FHIP1A: variants seen among roughly 807,000 people sequenced by gnomAD.
FHIP1A encodes FHF complex subunit HOOK-interacting protein 1A.
FHIP1A carries 61 observed loss-of-function variants against 88.6 expected under a neutral mutation model. That is an observed-to-expected ratio of 0.69 (90% CI 0.56 to 0.85). The LOEUF (loss-of-function observed/expected upper bound fraction) is 0.85. Ranked by LOEUF, FHIP1A falls within the 40% of genes least tolerant of loss-of-function variation. FHIP1A has a pLI of 0.00. For missense variants in FHIP1A, 1,154 were observed against 1,273.5 expected, an observed-to-expected ratio of 0.91 and a Z score of 1.43; for synonymous variants, 478 against 496.0, an observed-to-expected ratio of 0.96 and a Z score of 0.48.
chr4:151,629,764 C>A lies in FHIP1A; in HGVS notation c.1041C>A (p.Ser347=). Residue 347 remains serine (S), a synonymous_variant, in exon 8 of 14, where the codon TCC becomes TCA. Coordinates refer to ENST00000435205, the MANE Select transcript of FHIP1A (RefSeq NM_001109977.3). The stretch of plus-strand genomic sequence containing the variant: ...TGGACCTTTTCCTGCGTAGCATCTC[C>A]GAGCCAGCACTACTTGAGATCTTCC... ...AYLDLFLRSI[S]EPALLEIFLR... The A allele has an allele frequency of 6.4e-7, 1 of 1,551,404 alleles. No homozygotes were observed. Among genetic ancestry groups the A allele is most frequent in the South Asian group, 1.2e-5 (1 of 84,040 alleles).
Position 151,629,791 on chromosome 4 carries a change from C to G in FHIP1A, c.1068C>G (p.Leu356=), listed in dbSNP as rs1469820587. 1.3e-6 allele frequency: 2 copies of G among 1,551,502 alleles called. No individual in the cohort carries two copies. Among genetic ancestry groups the G allele is most frequent in the East Asian group, 4.9e-5 (2 of 40,924 alleles). The change falls in exon 8 of 14, where the codon CTC becomes CTG. Residue 356 remains leucine (L), a synonymous_variant. Coordinates refer to ENST00000435205, the MANE Select transcript of FHIP1A (RefSeq NM_001109977.3). ...ISEPALLEIF[L]RFILLHQHEN... is the part of the protein sequence containing the mutation. Reference sequence around the variant, plus strand: ...AGCCAGCACTACTTGAGATCTTCCTCCGTTTTATCCTATTGCACCAGCACG... The same window carrying G: ...AGCCAGCACTACTTGAGATCTTCCTGCGTTTTATCCTATTGCACCAGCACG...
intron 7 of FHIP1A, among the ~76,000 whole-genome samples, chr4:151,591,638 G>A (rs911066637): frequency 6.6e-6 from 1 of 152,220 alleles, no homozygotes; most frequent in Non-Finnish European, 1.5e-5. Flanking sequence ...GGTGTGTGAT[G>A]TTCCCCTTTC....
chr4:151,443,504 A>G (rs1728482839), intron 1 of FHIP1A, among the ~76,000 whole-genome samples: 1 of 152,040 alleles, frequency 6.6e-6, no homozygotes, highest in South Asian at 2.1e-4. Flanking sequence ...TTTCAGGGTC[A>G]GTTTTCCCCT....
intron 9 of FHIP1A, among the ~76,000 whole-genome samples, chr4:151,644,102 G>T (rs1736696574): frequency 6.6e-6 from 1 of 152,194 alleles, no homozygotes; most frequent in Admixed American, 6.5e-5. Flanking sequence ...TAAAAGCATT[G>T]AAGCAGTTTA....
At chr4:151,561,960 A>G (rs533169305) in intron 3 of FHIP1A, among the ~76,000 whole-genome samples, 2 of 152,336 alleles carry the variant, frequency 1.3e-5, no homozygotes, top group East Asian at 3.8e-4. Flanking sequence ...GATAAAGTAC[A>G]TAAAATAATG....
intron 5 of FHIP1A, among the ~76,000 whole-genome samples, chr4:151,580,193 A>G (rs577242009): frequency 6.6e-6 from 1 of 152,240 alleles, no homozygotes; most frequent in East Asian, 1.9e-4. Flanking sequence ...TTTCTTCCCC[A>G]TGACATTGAC....
intron 3 of FHIP1A, among the ~76,000 whole-genome samples, chr4:151,548,638 A>G (rs1732600408): frequency 6.6e-6 from 1 of 152,106 alleles, no homozygotes; most frequent in Admixed American, 6.6e-5. Context: ...CTTACCCTAT[A>G]TGGCCAGGCA....
At chr4:151,495,309 C>G (rs1730419874) in intron 3 of FHIP1A, among the ~76,000 whole-genome samples, 1 of 152,046 alleles carries the variant, frequency 6.6e-6, no homozygotes, top group Non-Finnish European at 1.5e-5. Flanking sequence ...TTGAGACCAG[C>G]CTGGCCAACA....
At chr4:151,436,653 C>T (rs2126550571) in intron 1 of FHIP1A, 1 of 152,284 alleles carries the variant, frequency 6.6e-6, no homozygotes, top group East Asian at 1.9e-4. Context: ...ATCTTTGTCT[C>T]AAATCACCCT....
intron 3 of FHIP1A, among the ~76,000 whole-genome samples, chr4:151,486,101 C>T (rs558969359): frequency 1.3e-5 from 2 of 152,234 alleles, no homozygotes; most frequent in South Asian, 2.1e-4. Flanking sequence ...ATAAGGTTTG[C>T]GCTTCTATGA....
intron 9 of FHIP1A, among the ~76,000 whole-genome samples, chr4:151,639,764 T>C (rs746265715): frequency 1.3e-5 from 2 of 152,126 alleles, no homozygotes; most frequent in African/African-American, 2.4e-5. Context: ...CATGCTCTTC[T>C]GGTGGTGTGG....
intron 3 of FHIP1A, among the ~76,000 whole-genome samples, chr4:151,519,110 AC>A (rs764552407): frequency 6.6e-5 from 10 of 152,196 alleles, no homozygotes; most frequent in Admixed American, 4.6e-4. Context: ...TGAAATGCGT[AC>A]ATCTTAATTA....
chr4:151,461,333 TC>T (rs1191441252), intron 2 of FHIP1A, among the ~76,000 whole-genome samples: 1 of 152,192 alleles, frequency 6.6e-6, no homozygotes, highest in Non-Finnish European at 1.5e-5. Context: ...GGGCCAGGTT[TC>T]CCAGCAAATG....
In FHIP1A at chr4:151,577,961, A is replaced by G; in HGVS notation, c.617A>G (p.His206Arg). 1.3e-6 allele frequency: 2 copies of G among 1,551,182 alleles called. No homozygotes were observed. Among genetic ancestry groups the G allele is most frequent in the East Asian group, 2.4e-5 (1 of 40,890 alleles). The change falls in exon 5 of 14, where the codon CAC (histidine) becomes CGC (arginine). Residue 206 changes from histidine (H) to arginine (R), a missense_variant. His to Arg is a conservative substitution (Grantham distance 29). Transcript: ENST00000435205. ...TTCTCCCTTCTGATTCCCTTCATTC[A>G]CCGAGAGGGGTCAGTAGGCCAGCAA... is the stretch of plus-strand genomic sequence containing the variant. The part of the protein sequence containing the change: ...LIFSLLIPFI[H>R]REGSVGQQAR...
At chr4:151,614,234 C>T (rs1467119413) in intron 7 of FHIP1A, among the ~76,000 whole-genome samples, 2 of 151,704 alleles carry the variant, frequency 1.3e-5, no homozygotes, top group South Asian at 2.1e-4. Context: ...TTTGGGAGGC[C>T]GAGGCAGGAG....
intron 3 of FHIP1A, among the ~76,000 whole-genome samples, chr4:151,483,958 A>G (rs897343783): frequency 6.6e-6 from 1 of 152,188 alleles, no homozygotes; most frequent in Non-Finnish European, 1.5e-5. Context: ...AATAATTGTT[A>G]ATAGGCATTG....
chr4:151,662,919 C>T lies in FHIP1A; in HGVS notation c.*165C>T. On this transcript the variant is annotated 3_prime_UTR_variant, in exon 14 of 14. Transcript: ENST00000435205. ...CTGTATCTTTCCTCTCTCTCTCTAG[C>T]CGGGCCTTTCCACCTTATGTTATAT... 1 of 654,350 alleles carries T rather than the reference C, an allele frequency of 1.5e-6. No individual in the cohort carries two copies. Among genetic ancestry groups the T allele is most frequent in the South Asian group, 2.6e-5 (1 of 37,840 alleles). The allele number at this position is 654,350 out of a possible 1,614,324, so 40.5% of individuals were successfully genotyped here.
chr4:151,559,130 T>C (rs1410995185), intron 3 of FHIP1A, among the ~76,000 whole-genome samples: 4 of 152,168 alleles, frequency 2.6e-5, no homozygotes, highest in Non-Finnish European at 4.4e-5. Flanking sequence ...AAATAGCATA[T>C]TGTATTAAGC....
intron 3 of FHIP1A, among the ~76,000 whole-genome samples, chr4:151,564,711 G>T (rs1375755371): frequency 6.6e-6 from 1 of 152,162 alleles, no homozygotes; most frequent in Non-Finnish European, 1.5e-5. Flanking sequence ...AGTTTTCCTG[G>T]AGTATGTGAT....
Sources: gnomAD v4.1 joint callset for allele counts (sites outside exome capture counted in the v4.1 genomes callset) on GRCh38, gnomAD v4.1.1 for gene constraint, MANE v1.5 for transcripts, NCBI Gene and HGNC (gene_info 2026-07-23, HGNC 2026-07-21) for gene names.